The following COL11A1 variants were observed in gnomAD, a reference collection of about 807,000 sequenced individuals.
The protein encoded by COL11A1 is collagen type XI alpha 1 chain, also known as collagen alpha-1(XI) chain.
Under a neutral mutation model 265.2 loss-of-function variants are expected in COL11A1, and 74 were observed. The ratio of observed to expected loss-of-function variants is 0.28; its 90% confidence interval spans 0.23 to 0.34. The LOEUF (loss-of-function observed/expected upper bound fraction) is 0.34. Among genes scored for constraint, COL11A1 ranks in the 10% least tolerant of loss-of-function variants. The pLI, the probability that COL11A1 is intolerant of heterozygous loss-of-function variation, is 1.00. For missense variants in COL11A1, 2,165 were observed against 2,263.6 expected (o/e 0.96, Z 0.88); for synonymous variants, 816 against 727.6 (o/e 1.12, Z -1.96).
intron 4 of COL11A1, among the ~76,000 whole-genome samples, chr1:103,040,776 C>T (rs1668748160): frequency 6.6e-6 from 1 of 151,426 alleles, no homozygotes; most frequent in Non-Finnish European, 1.5e-5. Context: ...TGTAAGGAAA[C>T]AAGTATGTAA....
chr1:103,059,014 T>C (rs1373111623), intron 4 of COL11A1, among the ~76,000 whole-genome samples: 1 of 151,142 alleles, frequency 6.6e-6, no homozygotes, highest in Non-Finnish European at 1.5e-5. Context: ...GACACAGTCA[T>C]GATGTGAGCA....
chr1:102,974,902 G>T lies in COL11A1; in HGVS notation c.2755-19C>A. ...GAGGACCCTGGAAATAAAAAGCAGTGGGGAGAAGTTAACAATATGCCTTAG... is the reference window on the plus strand; with the variant it reads ...GAGGACCCTGGAAATAAAAAGCAGTTGGGAGAAGTTAACAATATGCCTTAG... On this transcript the variant is annotated intron_variant, in intron 35 of 66. Transcript: ENST00000370096. 1 of 1,606,742 alleles carries T rather than the reference G, an allele frequency of 6.2e-7. No homozygotes were observed. Among genetic ancestry groups the T allele is most frequent in the Non-Finnish European group, 8.5e-7 (1 of 1,173,540 alleles).
intron 4 of COL11A1, among the ~76,000 whole-genome samples, chr1:103,046,348 A>G (rs949210005): frequency 1.4e-5 from 2 of 144,280 alleles, no homozygotes; most frequent in Non-Finnish European, 3.0e-5. Flanking sequence ...CATTTCTCTG[A>G]TGGCCAGTGA....
At chr1:103,014,101 T>C (rs945622384) in intron 13 of COL11A1, among the ~76,000 whole-genome samples, 2 of 151,990 alleles carry the variant, frequency 1.3e-5, no homozygotes, top group Admixed American at 1.3e-4. Context: ...TGTTAAATAA[T>C]CCAGAAAATT....
At chr1:103,062,335 C>G (rs1435813096) in intron 4 of COL11A1, among the ~76,000 whole-genome samples, 1 of 151,898 alleles carries the variant, frequency 6.6e-6, no homozygotes, top group Non-Finnish European at 1.5e-5. Context: ...CTTATGAGGT[C>G]ACATCACCCT....
intron 60 of COL11A1, 25 bp downstream of exon 60, chr1:102,888,841 T>C: frequency 6.2e-7 from 1 of 1,612,196 alleles, no homozygotes; most frequent in Non-Finnish European, 8.5e-7. Context: ...CCCTACCTTA[T>C]AAGGTTATTT....
intron 1 of COL11A1, among the ~76,000 whole-genome samples, chr1:103,094,143 A>C (rs990390423): frequency 1.3e-5 from 2 of 152,084 alleles, no homozygotes; most frequent in Non-Finnish European, 2.9e-5. Flanking sequence ...AAAAATGTGG[A>C]GGTGTGGGGG....
At chr1:102,881,858 TAAGAAAATA>T in intron 64 of COL11A1, 93 bp from the exon 65 acceptor site, 1 of 926,906 alleles carries the variant, frequency 1.1e-6, no homozygotes, top group South Asian at 1.5e-5. Context: ...TCAGTAAGAC[TAAGAAAATA>T]AAGAGTGCTT....
chr1:102,878,657 T>C (rs68109992), intron 66 of COL11A1, among the ~76,000 whole-genome samples: 16,087 of 150,824 alleles, frequency 0.11, 1,009 homozygotes, highest in Middle Eastern at 0.19. Flanking sequence ...CCTACTGGCA[T>C]GTGCCACCAT....
At position 102,907,156 on chromosome 1, in the gene COL11A1, A is replaced by G. The variant is rs545951374; in HGVS notation, c.4086+5003T>C. On this transcript the variant is annotated intron_variant, in intron 54 of 66. Coordinates refer to ENST00000370096, the MANE Select transcript of COL11A1 (RefSeq NM_001854.4). ...ATGTGAATAGCTTTGTAAGCAATGCATAGTCACCACCGTTCTCATGTTATT... is the reference window on the plus strand; with the variant it reads ...ATGTGAATAGCTTTGTAAGCAATGCGTAGTCACCACCGTTCTCATGTTATT... 1.1e-4 allele frequency among the ~76,000 whole-genome samples: 16 copies of G among 152,284 alleles called. No individual in the cohort carries two copies. In the South Asian group the frequency reaches 2.9e-3, roughly 28 times the overall value.
intron 1 of COL11A1, among the ~76,000 whole-genome samples, chr1:103,102,643 G>A (rs888645728): frequency 3.4e-4 from 51 of 151,850 alleles, no homozygotes; most frequent in Non-Finnish European, 2.6e-4. Context: ...AAATAAAAGT[G>A]TATCTAATAA....
At chr1:102,946,532 G>A (rs1461328720) in intron 42 of COL11A1, among the ~76,000 whole-genome samples, 2 of 151,524 alleles carry the variant, frequency 1.3e-5, no homozygotes, top group Non-Finnish European at 2.9e-5. Context: ...CTTTTCTAAT[G>A]TAAAGCAGCA....
chr1:102,947,075 T>A lies in COL11A1; in HGVS notation c.3169-119A>T, dbSNP rs1176599880. 3.4e-6 allele frequency: 3 copies of A among 884,598 alleles called. No homozygotes were observed. The South Asian group carries it at 4.5e-5, about 13-fold the overall frequency. The allele number at this position is 884,598 out of a possible 1,614,324, so 54.8% of individuals were successfully genotyped here. The stretch of plus-strand genomic sequence containing the variant: ...ATTATGTTAAAGAAACATTTAGAGT[T>A]TAGATAATTTTAAGATCCCAAAGAG... On this transcript the variant is annotated intron_variant, in intron 41 of 66. Transcript: ENST00000370096.
At chr1:102,887,155 T>G in intron 62 of COL11A1, 99 bp from the exon 63 acceptor site, 1 of 1,489,358 alleles carries the variant, frequency 6.7e-7, no homozygotes, top group Non-Finnish European at 9.2e-7. Flanking sequence ...GAAATTAGAG[T>G]TGGTTTAGCT....
At chr1:103,081,879 G>T (rs1046756367) in intron 2 of COL11A1, among the ~76,000 whole-genome samples, 4 of 151,924 alleles carry the variant, frequency 2.6e-5, no homozygotes, top group Admixed American at 6.6e-5. Flanking sequence ...AATATTGACT[G>T]CACATAACTT....
chr1:102,878,800 C>T (rs1649869458), intron 66 of COL11A1, among the ~76,000 whole-genome samples: 1 of 151,828 alleles, frequency 6.6e-6, no homozygotes, highest in South Asian at 2.1e-4. Flanking sequence ...TAAGACACCA[C>T]ACCCAGCCCC....
chr1:102,914,232 C>T, intron 52 of COL11A1, 120 bp downstream of exon 52: 1 of 806,372 alleles, frequency 1.2e-6, no homozygotes, highest in African/African-American at 1.7e-5. Context: ...TTTATGTTTT[C>T]TTTTTCTTTC....
chr1:102,954,628 T>A lies in COL11A1; in HGVS notation c.3168+7238A>T, dbSNP rs188679425. ...GGGAGGCCGAAGCGGGTGGATCACC[T>A]GAGGTCAGAAGCCCGAGACCAGCCT... On this transcript the variant is annotated intron_variant, in intron 41 of 66. Coordinates refer to ENST00000370096, the MANE Select transcript of COL11A1 (RefSeq NM_001854.4). Among the ~76,000 whole-genome samples the A allele has an allele frequency of 6.4e-4, 98 of 152,292 alleles. 1 individual carries two copies. The East Asian group carries it at 0.019, about 29-fold the overall frequency.
Position 103,052,537 on chromosome 1 carries a change from C to A in COL11A1, c.652-21293G>T, listed in dbSNP as rs1209926436. Among the ~76,000 whole-genome samples, 11 of 152,116 alleles carry A rather than the reference C, an allele frequency of 7.2e-5. No individual in the cohort carries two copies. The South Asian group carries it at 1.9e-3, about 26-fold the overall frequency. ...ATTCCCCCCTTGAATATTTTTATGTCTTTATTATGTAACACAAGTCTTTTA... is the reference window on the plus strand; with the variant it reads ...ATTCCCCCCTTGAATATTTTTATGTATTTATTATGTAACACAAGTCTTTTA... On this transcript the variant is annotated intron_variant, in intron 4 of 66. Transcript: ENST00000370096.
Sources: gnomAD v4.1 joint callset for allele counts (sites outside exome capture counted in the v4.1 genomes callset) on GRCh38, gnomAD v4.1.1 for gene constraint, MANE v1.5 for transcripts, NCBI Gene and HGNC (gene_info 2026-07-23, HGNC 2026-07-21) for gene names.